CCR3: variants seen among roughly 807,000 people sequenced by gnomAD.
CCR3 encodes C-C motif chemokine receptor 3, also known as C-C chemokine receptor type 3.
For missense variants in CCR3, 419 were observed against 437.5 expected (o/e 0.96, Z 0.38); for synonymous variants, 203 against 179.2 (o/e 1.13, Z -1.06).
At chr3:46,255,099 A>G (rs771692268) in intron 1 of CCR3, among the ~76,000 whole-genome samples, 7 of 152,078 alleles carry the variant, frequency 4.6e-5, no homozygotes, top group Non-Finnish European at 7.4e-5. Context: ...TTGCAAGAGT[A>G]GGCAGTATCA....
At chr3:46,254,489 T>TA (rs11453702) in intron 1 of CCR3, among the ~76,000 whole-genome samples, 49,469 of 151,430 alleles carry the variant, frequency 0.33, 8,697 homozygotes, top group East Asian at 0.6. Context: ...AGTTCTTTTT[T>TA]AAAAAAAAAT....
intron 1 of CCR3, among the ~76,000 whole-genome samples, chr3:46,242,982 C>CATATATATATATATATATATACACACAT (rs1553644086): frequency 1.0e-5 from 1 of 99,322 alleles, no homozygotes; most frequent in Admixed American, 1.0e-4. Context: ...TATATATACA[C>CATATATATATATATATATATACACACAT]ATATATATAT....
intron 1 of CCR3, among the ~76,000 whole-genome samples, chr3:46,250,610 T>G (rs1410227224): frequency 6.6e-6 from 1 of 152,162 alleles, no homozygotes; most frequent in Non-Finnish European, 1.5e-5. Context: ...AGAGCCATTG[T>G]CAAGTTTGTA....
chr3:46,236,466 G>A (rs749593457), intron 2 of CCR3, among the ~76,000 whole-genome samples: 1 of 152,242 alleles, frequency 6.6e-6, no homozygotes, highest in African/African-American at 2.4e-5. Flanking sequence ...CACTGTTGTT[G>A]CTGCATTGGG....
intron 2 of CCR3, among the ~76,000 whole-genome samples, chr3:46,229,541 A>G (rs1699938877): frequency 6.6e-6 from 1 of 152,166 alleles, no homozygotes; most frequent in African/African-American, 2.4e-5. Context: ...CTGGAAAGCC[A>G]TGGTTGTCTG....
intron 1 of CCR3, among the ~76,000 whole-genome samples, chr3:46,242,963 G>GTATATATATATATATACACACATA (rs1700112348): frequency 4.6e-5 from 4 of 86,290 alleles, no homozygotes; most frequent in East Asian, 7.2e-4. Flanking sequence ...ATATATATGT[G>GTATATATATATATATACACACATA]TATATATATA....
chr3:46,265,781 T>C lies in CCR3; in HGVS notation c.623T>C (p.Leu208Pro), dbSNP rs370898552. Residue 208 changes from leucine to proline, a missense_variant, in exon 2 of 2, where the codon CTC becomes CCC. Physicochemically the swap from Leu to Pro is moderately conservative, Grantham distance 98. Transcript: ENST00000395940. ...FHTLRMTIFC[L>P]VLPLLVMAIC... is the part of the protein sequence containing the mutation. ...ACTCTGAGAATGACCATCTTCTGTC[T>C]CGTTCTCCCTCTGCTCGTTATGGCC... 1 of 1,613,930 alleles carries C rather than the reference T, an allele frequency of 6.2e-7. No individual in the cohort carries two copies. Among genetic ancestry groups the C allele is most frequent in the Admixed American group, 1.7e-5 (1 of 60,032 alleles).
At chr3:46,226,738 A>G (rs1252220142) in intron 2 of CCR3, among the ~76,000 whole-genome samples, 1 of 152,126 alleles carries the variant, frequency 6.6e-6, no homozygotes, top group African/African-American at 2.4e-5. Context: ...AGAGGAAAAC[A>G]TTCATTCTTT....
At chr3:46,228,139 C>T (rs188175258) in intron 2 of CCR3, among the ~76,000 whole-genome samples, 39 of 151,840 alleles carry the variant, frequency 2.6e-4, no homozygotes, top group African/African-American at 7.7e-4. Flanking sequence ...AACTCTTTCC[C>T]ACCTACTGCC....
intron 2 of CCR3, among the ~76,000 whole-genome samples, chr3:46,232,739 A>G (rs1699979933): frequency 6.6e-6 from 1 of 152,174 alleles, no homozygotes; most frequent in Non-Finnish European, 1.5e-5. Context: ...GTTATCTTGA[A>G]ATCACAGGTG....
intron 1 of CCR3, among the ~76,000 whole-genome samples, chr3:46,261,770 G>A (rs954738782): frequency 1.3e-5 from 2 of 152,222 alleles, no homozygotes; most frequent in Non-Finnish European, 2.9e-5. Flanking sequence ...CATGGCATGG[G>A]CAGGGAGTCA....
At chr3:46,244,236 A>T (rs1700149867) in intron 1 of CCR3, among the ~76,000 whole-genome samples, 1 of 152,274 alleles carries the variant, frequency 6.6e-6, no homozygotes, top group South Asian at 2.1e-4. Flanking sequence ...ATGGTTAAAT[A>T]AGCATGATTA....
chr3:46,241,168 T>G (rs1700079062), upstream of CCR3, among the ~76,000 whole-genome samples: 1 of 150,620 alleles, frequency 6.6e-6, no homozygotes. Flanking sequence ...GTGTGTGCGC[T>G]CTCTCTCTCT....
upstream of CCR3, among the ~76,000 whole-genome samples, chr3:46,239,970 G>C (rs76733709): frequency 6.6e-6 from 1 of 152,032 alleles, no homozygotes; most frequent in Admixed American, 6.5e-5. Flanking sequence ...CTGTGAACTC[G>C]TCAACTCTTT....
chr3:46,248,544 G>A (rs1227104321), intron 1 of CCR3, among the ~76,000 whole-genome samples: 1 of 152,164 alleles, frequency 6.6e-6, no homozygotes, highest in Non-Finnish European at 1.5e-5. Context: ...AAGGGATTGA[G>A]GTTTGGGAGA....
rs139226216 is a variant in CCR3, at chr3:46,225,508, G to T, written c.-68+14601G>T. Among the ~76,000 whole-genome samples the T allele has an allele frequency of 1.5e-3, 227 of 152,264 alleles. 1 individual carries two copies. Among genetic ancestry groups the T allele is most frequent in the East Asian group, 5.8e-3 (30 of 5,188 alleles). ...AAGTGCCATGCTCTTTTTCATAATGGCTGTATTATTTTATGTTCCCAGCTG... is the reference window on the plus strand; with the variant it reads ...AAGTGCCATGCTCTTTTTCATAATGTCTGTATTATTTTATGTTCCCAGCTG... On this transcript the variant is annotated intron_variant, in intron 2 of 3. Transcript: ENST00000357422.
intron 1 of CCR3, among the ~76,000 whole-genome samples, chr3:46,252,991 C>A (rs978542478): frequency 6.6e-6 from 1 of 151,980 alleles, no homozygotes; most frequent in African/African-American, 2.4e-5. Context: ...CTTGGCTGCA[C>A]AAGGGAATCA....
intron 1 of CCR3, among the ~76,000 whole-genome samples, chr3:46,251,475 T>C (rs1213926984): frequency 6.6e-6 from 1 of 152,006 alleles, no homozygotes; most frequent in Non-Finnish European, 1.5e-5. Context: ...TTGAAGTTGG[T>C]GAGATGTTTC....
At chr3:46,232,168 G>A (rs918114668) in intron 2 of CCR3, among the ~76,000 whole-genome samples, 2 of 152,108 alleles carry the variant, frequency 1.3e-5, no homozygotes, top group African/African-American at 4.8e-5. Flanking sequence ...AAATGAAAAT[G>A]AGCAAAATGA....
Sources: gnomAD v4.1 joint callset for allele counts (sites outside exome capture counted in the v4.1 genomes callset) on GRCh38, gnomAD v4.1.1 for gene constraint, MANE v1.5 for transcripts, NCBI Gene and HGNC (gene_info 2026-07-23, HGNC 2026-07-21) for gene names.